SNRK: variants seen among roughly 807,000 people sequenced by gnomAD.
SNRK encodes SNF related kinase.
A neutral mutation model predicts 48.2 loss-of-function variants in SNRK; 3 were observed. The ratio of observed to expected loss-of-function variants is 0.06; its 90% CI spans 0.03 to 0.16. SNRK has a LOEUF of 0.16. Among genes scored for constraint, SNRK ranks in the 10% least tolerant of loss-of-function variants. SNRK has a pLI of 1.00. For synonymous variants in SNRK, 376 were observed against 366.1 expected (o/e 1.03, Z -0.31); for missense variants, 627 against 976.0 (o/e 0.64, Z 4.76).
At chr3:43,311,063 C>G (rs999619863) in intron 3 of SNRK, among the ~76,000 whole-genome samples, 1 of 152,126 alleles carries the variant, frequency 6.6e-6, no homozygotes, top group African/African-American at 2.4e-5. Flanking sequence ...AACTGGGAAG[C>G]CCTGGTATCT....
At chr3:43,328,449 T>C (rs2091112317) in intron 3 of SNRK, among the ~76,000 whole-genome samples, 1 of 152,144 alleles carries the variant, frequency 6.6e-6, no homozygotes, top group Non-Finnish European at 1.5e-5. Context: ...TAGCACACTG[T>C]GGACTCAAAT....
At position 43,334,921 on chromosome 3, in the gene SNRK, T is replaced by A. The variant is rs548825027; in HGVS notation, c.731+2611T>A. ...ATATCTTTTAGTTATATTTTTTAAGTCTATAAGAAGTGTGGATATATTGTC... is the reference window on the plus strand; with the variant it reads ...ATATCTTTTAGTTATATTTTTTAAGACTATAAGAAGTGTGGATATATTGTC... On this transcript the variant is annotated intron_variant, in intron 4 of 6. Transcript: ENST00000296088. Among the ~76,000 whole-genome samples the A allele has an allele frequency of 2.0e-5, 3 of 152,132 alleles. No homozygotes were observed. In the South Asian group the frequency reaches 6.2e-4, roughly 32 times the overall value.
At chr3:43,318,387 G>GGTTATTT (rs1422896949) in intron 3 of SNRK, among the ~76,000 whole-genome samples, 13 of 152,128 alleles carry the variant, frequency 8.5e-5, no homozygotes, top group Non-Finnish European at 1.8e-4. Flanking sequence ...GTGTTTATTT[G>GGTTATTT]ATAGCAGGTT....
At chr3:43,322,256 T>C (rs2091059190) in intron 3 of SNRK, among the ~76,000 whole-genome samples, 1 of 152,234 alleles carries the variant, frequency 6.6e-6, no homozygotes, top group South Asian at 2.1e-4. Flanking sequence ...AAGAAATGAT[T>C]GATTTCTATG....
rs149999077 is a variant in SNRK at position 43,328,532 on chromosome 3, G to A, written c.590-3637G>A. On this transcript the variant is annotated intron_variant, in intron 3 of 6. Transcript: ENST00000296088. ...ACTGTAGGCATGCACCACTGTGCCT[G>A]GCTTAAAATGAATGTTATATTAAGA... Among the ~76,000 whole-genome samples the A allele has an allele frequency of 1.9e-3, 286 of 152,016 alleles. 1 individual carries two copies. Among genetic ancestry groups the A allele is most frequent in the African/African-American group, 6.6e-3 (272 of 41,454 alleles).
chr3:43,330,377 T>C lies in SNRK; in HGVS notation c.590-1792T>C, dbSNP rs138614822. ...TACTTTACAGTGAATTTCTAAAACA[T>C]AACTTTTTGTAAATGAAGTGCACAT... On this transcript the variant is annotated intron_variant, in intron 3 of 6. Transcript: ENST00000296088. Among the ~76,000 whole-genome samples, 199 of 152,294 alleles carry C rather than the reference T, an allele frequency of 1.3e-3. 9 individuals are homozygous for C. In the East Asian group the frequency reaches 0.033, roughly 26 times the overall value.
intron 5 of SNRK, among the ~76,000 whole-genome samples, chr3:43,342,900 T>C (rs1298798733): frequency 6.6e-6 from 1 of 152,242 alleles, no homozygotes; most frequent in Non-Finnish European, 1.5e-5. Context: ...TAAAAACATT[T>C]GCTAAGTTTT....
chr3:43,323,821 A>G (rs1559465877), intron 3 of SNRK, among the ~76,000 whole-genome samples: 1 of 152,134 alleles, frequency 6.6e-6, no homozygotes, highest in Non-Finnish European at 1.5e-5. Flanking sequence ...AGACTGCAAA[A>G]CAGTCTGCAT....
chr3:43,341,411 A>G (rs989592757), intron 5 of SNRK, among the ~76,000 whole-genome samples: 2 of 152,186 alleles, frequency 1.3e-5, no homozygotes, highest in African/African-American at 4.8e-5. Flanking sequence ...TTGGCCTCCC[A>G]AAGTGCTGGG....
At chr3:43,344,763 G>A (rs1405870567) in intron 6 of SNRK, among the ~76,000 whole-genome samples, 2 of 152,082 alleles carry the variant, frequency 1.3e-5, no homozygotes, top group East Asian at 1.9e-4. Context: ...AGAGACTGAT[G>A]CTCAGAGGTT....
Position 43,347,104 on chromosome 3 carries a change from C to A in SNRK, c.1080-235C>A. On this transcript the variant is annotated intron_variant, in intron 6 of 6. Transcript: ENST00000296088. This position sits in a 1 kb window ranked among gnomAD's most constrained non-coding sequence, Gnocchi z 5.4. ...TTTGCCCTATTTTCTTTTCTGACAC[C>A]TGTGATGAAGTTTTCACTTGGCCAA... 1 of 432,468 alleles carries A rather than the reference C, an allele frequency of 2.3e-6. No individual in the cohort carries two copies. Among genetic ancestry groups the A allele is most frequent in the East Asian group, 3.4e-5 (1 of 29,106 alleles). The allele number at this position is 432,468 out of a possible 1,614,324, so 26.8% of individuals were successfully genotyped here. A position where few individuals can be genotyped will look rare whatever the true frequency, so the allele number is the denominator to read the frequency against.
At chr3:43,325,401 G>C (rs771475005) in intron 3 of SNRK, among the ~76,000 whole-genome samples, 1 of 152,022 alleles carries the variant, frequency 6.6e-6, no homozygotes, top group Non-Finnish European at 1.5e-5. Flanking sequence ...TCCTGACCTC[G>C]TGATCCACCC....
chr3:43,345,650 C>T (rs1575562869), intron 6 of SNRK, among the ~76,000 whole-genome samples: 1 of 152,124 alleles, frequency 6.6e-6, no homozygotes, highest in Non-Finnish European at 1.5e-5. Flanking sequence ...AGGGAGAACA[C>T]AGGGACTCCA....
intron 4 of SNRK, among the ~76,000 whole-genome samples, chr3:43,336,909 C>T (rs1181089533): frequency 6.6e-6 from 1 of 152,002 alleles, no homozygotes; most frequent in Non-Finnish European, 1.5e-5. Context: ...CCCGCCATCA[C>T]GCTTGGCTAA....
At chr3:43,324,897 A>T (rs2091083306) in intron 3 of SNRK, among the ~76,000 whole-genome samples, 1 of 152,206 alleles carries the variant, frequency 6.6e-6, no homozygotes, top group South Asian at 2.1e-4. Context: ...TTACTCTCAA[A>T]TGAGGAAGTT....
chr3:43,303,582 A>G lies in SNRK; in HGVS notation c.379A>G (p.Ile127Val). 1 of 1,614,112 alleles carries G rather than the reference A, an allele frequency of 6.2e-7. No individual in the cohort carries two copies. Among genetic ancestry groups the G allele is most frequent in the Non-Finnish European group, 8.5e-7 (1 of 1,180,006 alleles). The change falls in exon 3 of 7, where the codon ATA (isoleucine) becomes GTA (valine). Residue 127 changes from isoleucine (I) to valine (V), a missense_variant. By Grantham distance (29) the Ile-to-Val change is conservative (BLOSUM62 3). This residue lies in a region of SNRK where 147 missense variants were observed against 356.8 expected (regional missense o/e 0.41). Coordinates refer to ENST00000296088, the MANE Select transcript of SNRK (RefSeq NM_017719.5). This position sits in a 1 kb window ranked among gnomAD's most constrained non-coding sequence, Gnocchi z 6.2. The stretch of plus-strand genomic sequence containing the variant: ...GTATTTTGCTCAGATAGTTCATGCT[A>G]TATCTTATTGCCATAAACTCCATGT... The part of the protein sequence containing the change: ...KKYFAQIVHA[I>V]SYCHKLHVVH...
intron 3 of SNRK, among the ~76,000 whole-genome samples, chr3:43,313,570 AT>A (rs1432911187): frequency 6.6e-6 from 1 of 152,198 alleles, no homozygotes; most frequent in Non-Finnish European, 1.5e-5. Context: ...CTGTAAAAAG[AT>A]AGCATGAAGG....
intron 3 of SNRK, among the ~76,000 whole-genome samples, chr3:43,315,631 C>CTCTTCTATGGTTAGGG (rs1382304974): frequency 1.3e-5 from 2 of 152,168 alleles, no homozygotes; most frequent in African/African-American, 4.8e-5. Context: ...TGATTTGTGC[C>CTCTTCTATGGTTAGGG]TCTTCTATGG....
intron 3 of SNRK, among the ~76,000 whole-genome samples, chr3:43,328,160 G>A (rs911911918): frequency 6.6e-6 from 1 of 151,742 alleles, no homozygotes; most frequent in African/African-American, 2.4e-5. Flanking sequence ...ACATTTTTTG[G>A]AAATGATTAT....
Sources: allele counts gnomAD v4.1 joint callset (sites outside exome capture counted in the v4.1 genomes callset), GRCh38; gene constraint gnomAD v4.1.1; regional missense constraint gnomAD v4.1.1; non-coding constraint Gnocchi (gnomAD v3.1); transcripts MANE v1.5; gene names NCBI Gene and HGNC (gene_info 2026-07-23, HGNC 2026-07-21).